Variants in CYP19A1 observed in about 807,000 individuals in gnomAD.
The protein encoded by CYP19A1 is aromatase.
In CYP19A1, 32 loss-of-function variants were observed where a neutral mutation model predicts 44.4. The observed-to-expected ratio is 0.72, with a 90% CI of 0.54 to 0.97. The LOEUF (loss-of-function observed/expected upper bound fraction) is 0.97, where lower values mean the gene tolerates loss of function less well. CYP19A1 is among the 50% of genes least tolerant of loss of function. CYP19A1 has a pLI of 0.00. For missense variants in CYP19A1, 598 were observed against 637.8 expected (o/e 0.94, Z 0.67); for synonymous variants, 212 against 215.6 (o/e 0.98, Z 0.14).
intron 1 of CYP19A1, among the ~76,000 whole-genome samples, chr15:51,333,137 A>T (rs538650241): frequency 1.6e-4 from 25 of 152,282 alleles, no homozygotes; most frequent in African/African-American, 6.0e-4. Flanking sequence ...TTTTAAATGT[A>T]TTACTGTTCC....
chr15:51,230,917 C>T (rs969849563), intron 3 of CYP19A1, among the ~76,000 whole-genome samples: 2 of 152,106 alleles, frequency 1.3e-5, no homozygotes, highest in Non-Finnish European at 2.9e-5. Context: ...CCACTGCACC[C>T]GGCTGGTAAC....
chr15:51,320,487 T>A (rs935255395), intron 1 of CYP19A1: 1 of 152,200 alleles, frequency 6.6e-6, no homozygotes, highest in Admixed American at 6.5e-5. Flanking sequence ...CAGCACATGG[T>A]TAGGTGCCAG....
intron 4 of CYP19A1, 58 bp from the exon 5 acceptor site, chr15:51,222,583 A>G (rs2032208746): frequency 6.9e-7 from 1 of 1,448,680 alleles, no homozygotes; most frequent in South Asian, 1.2e-5. Context: ...ACACACAATC[A>G]TGCCATTTTG....
chr15:51,256,028 C>T (rs997420671), intron 1 of CYP19A1, among the ~76,000 whole-genome samples: 6 of 152,172 alleles, frequency 3.9e-5, no homozygotes, highest in African/African-American at 1.4e-4. Context: ...TCACATAGAA[C>T]CAGACATTTA....
chr15:51,333,650 C>T (rs898752654), intron 1 of CYP19A1, among the ~76,000 whole-genome samples: 1 of 152,154 alleles, frequency 6.6e-6, no homozygotes, highest in Non-Finnish European at 1.5e-5. Flanking sequence ...AGAGATCATA[C>T]GTGGTTTCCA....
At chr15:51,321,318 G>T (rs571153887) in intron 1 of CYP19A1, among the ~76,000 whole-genome samples, 1 of 152,116 alleles carries the variant, frequency 6.6e-6, no homozygotes, top group Admixed American at 6.5e-5. Context: ...GATCCCCCAT[G>T]ACTGCCTACT....
At position 51,239,924 on chromosome 15, in the gene CYP19A1, C is replaced by T. The variant is rs533625058; in HGVS notation, c.145+2844G>A. ...GAGCATGGCATCTGGAGGGAGAGGACCCTTGTTTAGAGCTGGGGATGGCTA... is the reference window on the plus strand; with the variant it reads ...GAGCATGGCATCTGGAGGGAGAGGATCCTTGTTTAGAGCTGGGGATGGCTA... On this transcript the variant is annotated intron_variant, in intron 2 of 9. Coordinates refer to ENST00000396402, the MANE Select transcript of CYP19A1 (RefSeq NM_000103.4). Among the ~76,000 whole-genome samples, 6 of 152,208 alleles carry T rather than the reference C, an allele frequency of 3.9e-5. No homozygotes were observed. In the South Asian group the frequency reaches 1.2e-3, roughly 32 times the overall value.
At chr15:51,287,417 A>G (rs1205061944) in intron 1 of CYP19A1, among the ~76,000 whole-genome samples, 1 of 152,162 alleles carries the variant, frequency 6.6e-6, no homozygotes, top group African/African-American at 2.4e-5. Flanking sequence ...ATTGGCCCGG[A>G]AACAGAGCCC....
intron 1 of CYP19A1, among the ~76,000 whole-genome samples, chr15:51,270,306 C>T (rs961786103): frequency 1.3e-5 from 2 of 152,100 alleles, no homozygotes; most frequent in Non-Finnish European, 2.9e-5. Context: ...GAACTGAAAC[C>T]TTGCTGAATT....
chr15:51,285,649 T>G (rs186498688), intron 1 of CYP19A1, among the ~76,000 whole-genome samples: 6 of 152,290 alleles, frequency 3.9e-5, no homozygotes, highest in African/African-American at 1.4e-4. Flanking sequence ...CTCCCCATTA[T>G]CTCAAGTAGG....
chr15:51,294,630 T>TG (rs1163255076), intron 1 of CYP19A1, among the ~76,000 whole-genome samples: 11 of 104,066 alleles, frequency 1.1e-4, no homozygotes, highest in South Asian at 6.3e-4. Context: ...GGGAGGGAGG[T>TG]GGGGGGGTCA....
chr15:51,305,781 G>T (rs961389635), intron 1 of CYP19A1, among the ~76,000 whole-genome samples: 1 of 151,892 alleles, frequency 6.6e-6, no homozygotes, highest in East Asian at 1.9e-4. Context: ...GGCTGGTCTC[G>T]AACTCCTGAC....
intron 2 of CYP19A1, among the ~76,000 whole-genome samples, chr15:51,241,310 A>T (rs2033750280): frequency 6.6e-6 from 1 of 152,210 alleles, no homozygotes; most frequent in South Asian, 2.1e-4. Flanking sequence ...TCTAGGCCTG[A>T]AGAGTCTGAG....
chr15:51,221,208 G>A (rs564890412), intron 5 of CYP19A1, among the ~76,000 whole-genome samples: 48 of 152,274 alleles, frequency 3.2e-4, no homozygotes, highest in Admixed American at 2.0e-3. Flanking sequence ...TATGTCAACT[G>A]TATAAATATT....
chr15:51,284,119 G>A (rs1408025545), intron 1 of CYP19A1, among the ~76,000 whole-genome samples: 1 of 152,148 alleles, frequency 6.6e-6, no homozygotes, highest in Admixed American at 6.5e-5. Context: ...CTCCCCAGGA[G>A]AAAGAATTGC....
intron 1 of CYP19A1, among the ~76,000 whole-genome samples, chr15:51,311,179 A>AT (rs1031093646): frequency 6.6e-6 from 1 of 152,160 alleles, no homozygotes; most frequent in Non-Finnish European, 1.5e-5. Context: ...GAAAAAAAAA[A>AT]CTCCGAAGCA....
intron 1 of CYP19A1, among the ~76,000 whole-genome samples, chr15:51,289,031 G>A (rs575999476): frequency 1.1e-4 from 17 of 152,288 alleles, no homozygotes; most frequent in Non-Finnish European, 1.8e-4. Flanking sequence ...GTGTGGGGTC[G>A]TTCTCAAATG....
At chr15:51,211,242 C>A (rs564736713) in intron 9 of CYP19A1, among the ~76,000 whole-genome samples, 186 bp from the exon 10 acceptor site, 3 of 152,186 alleles carry the variant, frequency 2.0e-5, no homozygotes, top group Non-Finnish European at 2.9e-5. Flanking sequence ...TCATTCACCC[C>A]CTGTGTTCTG....
At chr15:51,222,321 C>T in intron 5 of CYP19A1, 28 bp downstream of exon 5, 1 of 1,614,024 alleles carries the variant, frequency 6.2e-7, no homozygotes, top group Non-Finnish European at 8.5e-7. Context: ...GACAGATGGT[C>T]AAGATGTGAG....
Sources: gnomAD v4.1 joint callset for allele counts (sites outside exome capture counted in the v4.1 genomes callset) on GRCh38, gnomAD v4.1.1 for gene constraint, MANE v1.5 for transcripts, NCBI Gene and HGNC (gene_info 2026-07-23, HGNC 2026-07-21) for gene names.